Variants in GRID2 observed in about 807,000 individuals in gnomAD.
The protein encoded by GRID2 is glutamate receptor ionotropic, delta-2.
In GRID2, 33 loss-of-function variants were observed where a neutral mutation model predicts 114.8. The observed-to-expected ratio is 0.29, with a 90% confidence interval of 0.22 to 0.38. GRID2 has a LOEUF of 0.38. Among genes scored for constraint, GRID2 ranks in the 10% least tolerant of loss-of-function variants. The pLI is 1.00. For missense variants in GRID2, 1,184 were observed against 1,257.7 expected (o/e 0.94, Z 0.89); for synonymous variants, 505 against 449.9 (o/e 1.12, Z -1.55).
At chr4:92,677,300 A>G (rs532356612) in intron 2 of GRID2, among the ~76,000 whole-genome samples, 1 of 152,350 alleles carries the variant, frequency 6.6e-6, no homozygotes, top group African/African-American at 2.4e-5. Flanking sequence ...CACATAAAAA[A>G]GAGATTAAAA....
chr4:93,605,781 G>T (rs534173511), intron 13 of GRID2, among the ~76,000 whole-genome samples: 1 of 152,144 alleles, frequency 6.6e-6, no homozygotes, highest in African/African-American at 2.4e-5. Flanking sequence ...ACATGGCATA[G>T]AACAAAGTCA....
chr4:92,544,488 A>G (rs534394530), intron 1 of GRID2, among the ~76,000 whole-genome samples: 72 of 152,082 alleles, frequency 4.7e-4, no homozygotes, highest in Non-Finnish European at 8.7e-4. Flanking sequence ...AGTATACATC[A>G]TTTTATCATA....
At chr4:93,453,895 A>G (rs762213609) in intron 10 of GRID2, among the ~76,000 whole-genome samples, 102 of 152,136 alleles carry the variant, frequency 6.7e-4, no homozygotes, top group Non-Finnish European at 1.2e-3. Context: ...TTAGTTATTT[A>G]TTCATCATTA....
intron 14 of GRID2, among the ~76,000 whole-genome samples, chr4:93,670,906 T>C (rs1373471183): frequency 6.6e-6 from 1 of 152,234 alleles, no homozygotes; most frequent in Non-Finnish European, 1.5e-5. Context: ...CAGACTTTGA[T>C]GAAGGCAGCC....
At chr4:92,370,208 T>C (rs1211126525) in intron 1 of GRID2, among the ~76,000 whole-genome samples, 2 of 152,218 alleles carry the variant, frequency 1.3e-5, no homozygotes, top group Admixed American at 1.3e-4. Context: ...GTTATCATTG[T>C]AATTTATTTA....
chr4:93,242,359 G>T (rs1397211227), intron 8 of GRID2, among the ~76,000 whole-genome samples: 1 of 151,700 alleles, frequency 6.6e-6, no homozygotes, highest in African/African-American at 2.4e-5. Flanking sequence ...AGAAATCACT[G>T]TAGTACTAAT....
At chr4:92,411,655 G>GTA (rs70940887) in intron 1 of GRID2, among the ~76,000 whole-genome samples, 3,563 of 84,688 alleles carry the variant, frequency 0.042, 287 homozygotes, top group African/African-American at 0.15. Context: ...GTGTGTGTGT[G>GTA]TATATATATA....
At chr4:93,534,166 C>G (rs895733168) in intron 13 of GRID2, among the ~76,000 whole-genome samples, 4 of 152,142 alleles carry the variant, frequency 2.6e-5, no homozygotes, top group African/African-American at 9.7e-5. Flanking sequence ...TTCCCTATTT[C>G]TAAATGCAAT....
chr4:93,490,224 A>G (rs1264145122), intron 11 of GRID2, among the ~76,000 whole-genome samples: 2 of 90,268 alleles, frequency 2.2e-5, no homozygotes, highest in Non-Finnish European at 4.4e-5. Flanking sequence ...AGAATATAAC[A>G]AAAAATAATC....
chr4:93,747,330 C>T (rs1731927651), intron 14 of GRID2, among the ~76,000 whole-genome samples: 1 of 152,020 alleles, frequency 6.6e-6, no homozygotes, highest in Admixed American at 6.6e-5. Context: ...CTGAGTGAAC[C>T]AAATACCTAA....
intron 4 of GRID2, among the ~76,000 whole-genome samples, chr4:93,201,969 T>C (rs911372943): frequency 2.6e-5 from 4 of 152,158 alleles, no homozygotes; most frequent in Admixed American, 2.6e-4. Context: ...GCTCAGCTTC[T>C]TGGGAGGTGG....
In GRID2 at chr4:92,353,073, C is replaced by T. The variant is rs1473204949; in HGVS notation, c.88+48329C>T. Among the ~76,000 whole-genome samples, 6 of 151,850 alleles carry T rather than the reference C, an allele frequency of 4.0e-5. 1 individual carries two copies. Among genetic ancestry groups the T allele is most frequent in the Non-Finnish European group, 8.8e-5 (6 of 67,926 alleles). On this transcript the variant is annotated intron_variant, in intron 1 of 15. Transcript: ENST00000282020. Reference sequence around the variant, plus strand: ...TTACTTTTTCTTTCTGCTCCTCAGGCATGATAGTTCATATTAACTTACCTT... The same window carrying T: ...TTACTTTTTCTTTCTGCTCCTCAGGTATGATAGTTCATATTAACTTACCTT...
intron 2 of GRID2, among the ~76,000 whole-genome samples, chr4:92,690,318 G>A (rs1734124868): frequency 6.6e-6 from 1 of 152,162 alleles, no homozygotes; most frequent in Non-Finnish European, 1.5e-5. Context: ...AGAAGTCTGA[G>A]GAGAGGGAGA....
chr4:93,509,188 A>C (rs919384725), intron 12 of GRID2, among the ~76,000 whole-genome samples: 1 of 152,216 alleles, frequency 6.6e-6, no homozygotes, highest in Non-Finnish European at 1.5e-5. Flanking sequence ...ATTAGTGGTG[A>C]GTGAGAACAG....
chr4:93,507,600 A>G (rs1378414252), intron 12 of GRID2, among the ~76,000 whole-genome samples: 1 of 152,154 alleles, frequency 6.6e-6, no homozygotes, highest in East Asian at 1.9e-4. Context: ...CAATTAAGCA[A>G]TTTTCTTCAC....
intron 8 of GRID2, among the ~76,000 whole-genome samples, chr4:93,349,908 T>C (rs1227552877): frequency 1.3e-5 from 2 of 152,100 alleles, no homozygotes; most frequent in Non-Finnish European, 2.9e-5. Flanking sequence ...GAAAATAATA[T>C]GTGTGGGATG....
At chr4:93,784,645 T>TAC (rs59896203) in intron 1 of GRID2, among the ~76,000 whole-genome samples, 54,822 of 147,482 alleles carry the variant, frequency 0.37, 10,451 homozygotes, top group Middle Eastern at 0.54. Context: ...GTCCTTTTTA[T>TAC]ACACACACAC....
At chr4:93,167,527 A>G (rs1738369167) in intron 4 of GRID2, among the ~76,000 whole-genome samples, 1 of 152,044 alleles carries the variant, frequency 6.6e-6, no homozygotes, top group South Asian at 2.1e-4. Flanking sequence ...TTTTTTGAAA[A>G]TAGATATTAG....
In GRID2 at chr4:92,873,128, T is replaced by C. The variant is rs116460395; in HGVS notation, c.245-211867T>C. ...TTCATAAAATGAAAATTTTTTTGTT[T>C]GGTTTGATTGTGCTTCTTTGGATCA... is the stretch of plus-strand genomic sequence containing the variant. On this transcript the variant is annotated intron_variant, in intron 2 of 15. Transcript: ENST00000282020. Among the ~76,000 whole-genome samples the C allele has an allele frequency of 5.3e-3, 812 of 152,264 alleles. 2 individuals are homozygous for C. Among genetic ancestry groups the C allele is most frequent in the African/African-American group, 0.019 (777 of 41,550 alleles).
Sources: gnomAD v4.1 joint callset for allele counts (sites outside exome capture counted in the v4.1 genomes callset) on GRCh38, gnomAD v4.1.1 for gene constraint, MANE v1.5 for transcripts, NCBI Gene and HGNC (gene_info 2026-07-23, HGNC 2026-07-21) for gene names.